The following SNX29 variants were observed in gnomAD, a reference collection of about 807,000 sequenced individuals.
SNX29 encodes sorting nexin 29.
Under a neutral mutation model 102.1 loss-of-function variants are expected in SNX29, and 78 were observed. The ratio of observed to expected loss-of-function variants is 0.76; its 90% CI spans 0.64 to 0.92. SNX29 has a LOEUF of 0.92. Among genes scored for constraint, SNX29 ranks in the 40% least tolerant of loss-of-function variants. SNX29 has a pLI of 0.00. For missense variants in SNX29, 1,280 were observed against 1,061.7 expected, an observed-to-expected ratio of 1.21 and a Z score of -2.86; for synonymous variants, 580 against 414.5, an observed-to-expected ratio of 1.40 and a Z score of -4.85.
chr16:12,142,635 G>C (rs2054906121), intron 13 of SNX29, among the ~76,000 whole-genome samples: 1 of 152,154 alleles, frequency 6.6e-6, no homozygotes, highest in African/African-American at 2.4e-5. Flanking sequence ...GGCGATCTCA[G>C]ATCACTGCAA....
At chr16:12,461,168 T>C (rs74009080) in intron 18 of SNX29, among the ~76,000 whole-genome samples, 5,183 of 152,282 alleles carry the variant, frequency 0.034, 268 homozygotes, top group African/African-American at 0.11. Flanking sequence ...AGATTCTATC[T>C]CAGGCAGCCT....
intron 13 of SNX29, among the ~76,000 whole-genome samples, chr16:12,196,778 G>A (rs1169707105): frequency 1.3e-5 from 2 of 151,840 alleles, no homozygotes; most frequent in South Asian, 2.1e-4. Flanking sequence ...ATGCCACCAT[G>A]CCCAGCTAAT....
intron 14 of SNX29, among the ~76,000 whole-genome samples, chr16:12,249,076 A>G (rs1466438731): frequency 6.6e-6 from 1 of 152,220 alleles, no homozygotes; most frequent in Non-Finnish European, 1.5e-5. Flanking sequence ...TGAGTGGCTT[A>G]AAACAACTCC....
intron 13 of SNX29, among the ~76,000 whole-genome samples, chr16:12,160,636 A>ATTG (rs1003888498): frequency 6.6e-5 from 10 of 152,230 alleles, no homozygotes; most frequent in South Asian, 4.2e-4. Context: ...TCTTCATAGA[A>ATTG]TTGTTGTTGT....
intron 14 of SNX29, among the ~76,000 whole-genome samples, chr16:12,214,835 G>C (rs1031993007): frequency 6.6e-6 from 1 of 152,190 alleles, no homozygotes; most frequent in Non-Finnish European, 1.5e-5. Context: ...ATTTTTGCTA[G>C]TTGGTCACTC....
intron 20 of SNX29, among the ~76,000 whole-genome samples, chr16:12,537,859 C>G (rs978067369): frequency 1.3e-5 from 2 of 152,022 alleles, no homozygotes; most frequent in Non-Finnish European, 2.9e-5. Context: ...GTGGCTCACG[C>G]TTATAGTCCC....
At chr16:12,365,326 T>TTGTGTGTG (rs58869867) in intron 16 of SNX29, among the ~76,000 whole-genome samples, 4,955 of 139,784 alleles carry the variant, frequency 0.035, 99 homozygotes, top group South Asian at 0.056. Flanking sequence ...ACATCAGGAT[T>TTGTGTGTG]TGTGTGTGTG....
intron 14 of SNX29, among the ~76,000 whole-genome samples, chr16:12,234,061 A>G (rs755245888): frequency 2.0e-5 from 3 of 152,204 alleles, no homozygotes; most frequent in Non-Finnish European, 2.9e-5. Context: ...TGCAATGAAC[A>G]TTCACGTACA....
chr16:12,198,475 C>G (rs1181826319), intron 13 of SNX29, among the ~76,000 whole-genome samples: 1 of 151,990 alleles, frequency 6.6e-6, no homozygotes, highest in Admixed American at 6.5e-5. Flanking sequence ...TTTATAATCA[C>G]AGAAAAAACC....
Position 12,129,699 on chromosome 16 carries a change from G to A in SNX29, c.1536G>A (p.Leu512=), listed in dbSNP as rs371866495. The A allele has an allele frequency of 3.1e-6, 5 of 1,611,092 alleles. No homozygotes were observed. Among genetic ancestry groups the A allele is most frequent in the Non-Finnish European group, 4.2e-6 (5 of 1,179,510 alleles). ...SAALRQEVDT[L]KRKVAEQEER... ...CGCTCCGGCAAGAGGTGGACACCTT[G>A]AAAAGGAAGGTGGCTGAACAGGAGG... The change falls in exon 13 of 21, where the codon TTG becomes TTA. Residue 512 remains leucine (L), a synonymous_variant. Transcript: ENST00000566228.
chr16:12,566,713 T>C (rs558089266), intron 20 of SNX29, among the ~76,000 whole-genome samples: 1 of 151,962 alleles, frequency 6.6e-6, no homozygotes, highest in African/African-American at 2.4e-5. Context: ...CCCCATCCTT[T>C]GAAGAGAGGA....
intron 8 of SNX29, chr16:12,060,908 G>C (rs999924438): frequency 2.9e-5 from 13 of 455,726 alleles, no homozygotes; most frequent in African/African-American, 1.8e-4. Flanking sequence ...TTCTTGGAAG[G>C]GACCCAGACG....
At chr16:12,560,124 C>G (rs1195931665) in intron 20 of SNX29, among the ~76,000 whole-genome samples, 2 of 142,484 alleles carry the variant, frequency 1.4e-5, no homozygotes, top group Non-Finnish European at 3.0e-5. Context: ...TATTCTAGTT[C>G]TGTGTTCCCC....
At chr16:12,526,965 G>T in intron 20 of SNX29, 1 of 408,126 alleles carries the variant, frequency 2.5e-6, no homozygotes, top group South Asian at 2.5e-5. Context: ...ACGCAGAACA[G>T]AACACAGGGT....
chr16:12,240,627 CGCTCTGTCACCCAG>C (rs1176072012), intron 14 of SNX29, among the ~76,000 whole-genome samples: 2 of 109,358 alleles, frequency 1.8e-5, no homozygotes, highest in Non-Finnish European at 3.3e-5. Context: ...GACGGAGTCT[CGCTCTGTCACCCAG>C]GCTGGAGTGC....
chr16:12,337,591 C>T (rs2081490031), intron 15 of SNX29, among the ~76,000 whole-genome samples: 1 of 152,158 alleles, frequency 6.6e-6, no homozygotes, highest in African/African-American at 2.4e-5. Context: ...ATCCTCCCAC[C>T]TCGGCCTGCG....
At chr16:12,219,879 G>A (rs1014164235) in intron 14 of SNX29, among the ~76,000 whole-genome samples, 3 of 152,164 alleles carry the variant, frequency 2.0e-5, no homozygotes, top group Non-Finnish European at 2.9e-5. Context: ...TCAATCACTC[G>A]TACATTGATC....
intron 18 of SNX29, among the ~76,000 whole-genome samples, chr16:12,440,685 T>C (rs796174242): frequency 8.2e-5 from 7 of 85,096 alleles, no homozygotes; most frequent in African/African-American, 3.4e-4. Flanking sequence ...AGTGAGAACA[T>C]GCAATACTTG....
chr16:12,477,894 G>A, intron 19 of SNX29, 35 bp downstream of exon 19: 1 of 1,548,984 alleles, frequency 6.5e-7, no homozygotes, highest in Non-Finnish European at 8.7e-7. Context: ...ACTTGTCACT[G>A]CCTGCGTTAA....
Sources: gnomAD v4.1 joint callset for allele counts (sites outside exome capture counted in the v4.1 genomes callset) on GRCh38, gnomAD v4.1.1 for gene constraint, MANE v1.5 for transcripts, NCBI Gene and HGNC (gene_info 2026-07-23, HGNC 2026-07-21) for gene names.